NXPE3: variants seen among roughly 807,000 people sequenced by gnomAD.
NXPE3 encodes the protein NXPE family member 3.
In NXPE3, 26 loss-of-function variants were observed where a neutral mutation model predicts 46.1. The observed-to-expected ratio is 0.56, with a 90% CI of 0.41 to 0.78. The LOEUF is 0.78. Ranked by LOEUF, NXPE3 falls within the 30% of genes least tolerant of loss-of-function variation. NXPE3 has a pLI of 0.00. For synonymous variants in NXPE3, 272 were observed against 257.9 expected (o/e 1.05, Z -0.52); for missense variants, 620 against 686.0 (o/e 0.90, Z 1.07).
intron 4 of NXPE3, among the ~76,000 whole-genome samples, chr3:101,789,700 G>T (rs879637657): frequency 6.0e-5 from 9 of 151,046 alleles, no homozygotes; most frequent in Non-Finnish European, 8.9e-5. Flanking sequence ...TGTTATTTAG[G>T]TTTTTTTTGG....
At chr3:101,805,970 T>G (rs1214804786) in intron 5 of NXPE3, among the ~76,000 whole-genome samples, 2 of 152,140 alleles carry the variant, frequency 1.3e-5, no homozygotes, top group Admixed American at 1.3e-4. Context: ...GAAAGTAGTT[T>G]ATATGTGCTC....
chr3:101,805,720 C>A (rs1312108089), intron 5 of NXPE3, among the ~76,000 whole-genome samples: 1 of 152,056 alleles, frequency 6.6e-6, no homozygotes, highest in Non-Finnish European at 1.5e-5. Context: ...GGATTACAGG[C>A]GTAAGCCACC....
Position 101,825,407 on chromosome 3 carries a change from A to C in NXPE3, c.*3453A>C, listed in dbSNP as rs1238994318. The C allele has an allele frequency of 6.6e-6, 1 of 152,266 alleles. No homozygotes were observed. Among genetic ancestry groups the C allele is most frequent in the East Asian group, 1.9e-4 (1 of 5,206 alleles). 9.4% of individuals were successfully genotyped at this position (152,266 alleles called of 1,614,324 possible). On this transcript the variant is annotated 3_prime_UTR_variant, in exon 8 of 8. Transcript: ENST00000273347. The stretch of plus-strand genomic sequence containing the variant: ...CTAGTGCCACATGGTTGTGAATATT[A>C]GCATGGTAGCCAAATAATAGTTTGT...
chr3:101,784,292 G>A (rs1484947401), intron 3 of NXPE3, among the ~76,000 whole-genome samples: 2 of 152,042 alleles, frequency 1.3e-5, no homozygotes, highest in Admixed American at 1.3e-4. Context: ...GGAGCATGAG[G>A]GAGAAAAAAA....
Position 101,808,818 on chromosome 3 carries a change from G to GATATAGATATATATATATATATAT in NXPE3, c.922+1697_922+1698insGATATATATATATATATATATATA, listed in dbSNP as rs71132598. On this transcript the variant is annotated intron_variant, in intron 6 of 7. Coordinates refer to ENST00000273347, the MANE Select transcript of NXPE3 (RefSeq NM_145037.4). ...ACCAAATGAATTACTAATTTTAGAG[G>GATATAGATATATATATATATATAT]ATATATATATATATATATATATATA... is the stretch of plus-strand genomic sequence containing the variant. Among the ~76,000 whole-genome samples, 34 of 30,808 alleles carry GATATAGATATATATATATATATAT rather than the reference G, an allele frequency of 1.1e-3. 2 individuals are homozygous for GATATAGATATATATATATATATAT. Among genetic ancestry groups the GATATAGATATATATATATATATAT allele is most frequent in the South Asian group, 3.7e-3 (2 of 540 alleles). 20.2% of individuals were successfully genotyped at this position (30,808 alleles called of 152,430 possible). A position where few individuals can be genotyped will look rare whatever the true frequency, so the allele number is the denominator to read the frequency against.
chr3:101,817,072 G>A (rs535384331), intron 7 of NXPE3, 71 bp downstream of exon 7: 2 of 1,356,912 alleles, frequency 1.5e-6, no homozygotes, highest in East Asian at 2.3e-5. Flanking sequence ...TCACTCAGGT[G>A]CCTGAAGAAA....
chr3:101,812,286 T>G (rs978004195), intron 6 of NXPE3, among the ~76,000 whole-genome samples: 3 of 152,178 alleles, frequency 2.0e-5, no homozygotes, highest in African/African-American at 7.2e-5. Context: ...TTCCAATTAC[T>G]GGAAAGAATA....
At position 101,789,428 on chromosome 3, in the gene NXPE3, C is replaced by T. The variant is rs1278652733; in HGVS notation, c.93+3739C>T. On this transcript the variant is annotated intron_variant, in intron 4 of 7. Coordinates refer to ENST00000273347, the MANE Select transcript of NXPE3 (RefSeq NM_145037.4). ...GAGTGTAGTGGTGTGTGCCTGTTGT[C>T]CTAGCTACTTGGGAAGCTGAGACGG... Among the ~76,000 whole-genome samples, 4 of 152,020 alleles carry T rather than the reference C, an allele frequency of 2.6e-5. No homozygotes were observed. The East Asian group carries it at 7.7e-4, about 29-fold the overall frequency.
At chr3:101,799,435 T>C (rs1224705148) in intron 4 of NXPE3, among the ~76,000 whole-genome samples, 1 of 152,192 alleles carries the variant, frequency 6.6e-6, no homozygotes, top group Non-Finnish European at 1.5e-5. Flanking sequence ...TTATTTGTTA[T>C]TATTTTTTTG....
rs766669488 is a variant in NXPE3 at position 101,801,911 on chromosome 3, G to C, written c.770G>C (p.Cys257Ser). Residue 257 changes from cysteine (C) to serine (S), a missense_variant, in exon 5 of 8, where the codon TGC becomes TCC. Coordinates refer to ENST00000273347, the MANE Select transcript of NXPE3 (RefSeq NM_145037.4). ...WFCFKPKKLP[C>S]SSRITHFKGG... ...TGCTTCAAACCAAAGAAGCTCCCTT[G>C]CAGCAGCAGAATTACCCATTTCAAA... 1 of 1,614,150 alleles carries C rather than the reference G, an allele frequency of 6.2e-7. No individual in the cohort carries two copies. The highest frequency in any genetic ancestry group is 1.1e-5 in the South Asian group (1 of 91,086).
At chr3:101,813,643 C>A (rs770850472) in intron 6 of NXPE3, among the ~76,000 whole-genome samples, 16 of 152,308 alleles carry the variant, frequency 1.1e-4, no homozygotes, top group Non-Finnish European at 1.8e-4. Flanking sequence ...GCTTTTACAA[C>A]CACCTCTGTT....
At chr3:101,781,932 C>G (rs1939847331) in intron 1 of NXPE3, 178 bp from the exon 2 acceptor site, 1 of 152,154 alleles carries the variant, frequency 6.6e-6, no homozygotes, top group African/African-American at 2.4e-5. Context: ...TTTAAATAGA[C>G]TATTTAAATT....
intron 4 of NXPE3, among the ~76,000 whole-genome samples, chr3:101,796,130 G>A (rs1020837863): frequency 6.6e-6 from 1 of 152,144 alleles, no homozygotes; most frequent in African/African-American, 2.4e-5. Flanking sequence ...GCCCATTCCT[G>A]AACCAGCCGT....
At chr3:101,806,982 G>C in intron 5 of NXPE3, 71 bp from the exon 6 acceptor site, 1 of 1,000,792 alleles carries the variant, frequency 1.0e-6, no homozygotes. Flanking sequence ...TTTATCATTT[G>C]CCAATAAAGA....
chr3:101,812,147 C>G (rs940946492), intron 6 of NXPE3, among the ~76,000 whole-genome samples: 4 of 152,156 alleles, frequency 2.6e-5, no homozygotes, highest in African/African-American at 9.7e-5. Flanking sequence ...GAGACCTCAT[C>G]TGATGTTGAT....
At chr3:101,800,163 A>G (rs992148131) in intron 4 of NXPE3, among the ~76,000 whole-genome samples, 37 of 152,046 alleles carry the variant, frequency 2.4e-4, no homozygotes, top group African/African-American at 8.9e-4. Context: ...TACTGATTTT[A>G]GGTTGTTTTT....
At chr3:101,815,743 A>C (rs1427041466) in intron 6 of NXPE3, among the ~76,000 whole-genome samples, 6 of 152,164 alleles carry the variant, frequency 3.9e-5, no homozygotes, top group African/African-American at 1.4e-4. Flanking sequence ...TCACGCCTGT[A>C]ATCCCAGCAC....
intron 4 of NXPE3, among the ~76,000 whole-genome samples, chr3:101,789,701 T>C (rs1165706917): frequency 6.6e-6 from 1 of 151,870 alleles, no homozygotes; most frequent in Non-Finnish European, 1.5e-5. Flanking sequence ...GTTATTTAGG[T>C]TTTTTTTGGC....
At chr3:101,808,783 A>T (rs1306797222) in intron 6 of NXPE3, among the ~76,000 whole-genome samples, 4 of 133,146 alleles carry the variant, frequency 3.0e-5, no homozygotes, top group Non-Finnish European at 6.3e-5. Flanking sequence ...GCTGTTTTTG[A>T]TTTACTTGAA....
Sources: allele counts gnomAD v4.1 joint callset (sites outside exome capture counted in the v4.1 genomes callset), GRCh38; gene constraint gnomAD v4.1.1; transcripts MANE v1.5; gene names NCBI Gene and HGNC (gene_info 2026-07-23, HGNC 2026-07-21).